AKAP7: variants seen among roughly 807,000 people sequenced by gnomAD.
The protein encoded by AKAP7 is A kinase (PRKA) anchor protein 7.
In AKAP7, 39 loss-of-function variants were observed where a neutral mutation model predicts 39.5. The observed-to-expected ratio is 0.99, with a 90% CI of 0.76 to 1.29. The LOEUF is 1.29. AKAP7 is among the 50% of genes most tolerant of loss of function. AKAP7 has a pLI of 0.00. For synonymous variants in AKAP7, 140 were observed against 139.1 expected (o/e 1.01, Z -0.05); for missense variants, 414 against 407.7 (o/e 1.02, Z -0.13).
intron 7 of AKAP7, among the ~76,000 whole-genome samples, chr6:131,276,877 T>A (rs1814788821): frequency 6.6e-6 from 1 of 152,290 alleles, no homozygotes; most frequent in African/African-American, 2.4e-5. Flanking sequence ...TGTGATGGTT[T>A]CTGGAGCCCT....
intron 5 of AKAP7, among the ~76,000 whole-genome samples, chr6:131,169,828 A>G (rs545255907): frequency 6.6e-6 from 1 of 152,240 alleles, no homozygotes; most frequent in East Asian, 1.9e-4. Context: ...ATTTCATGTC[A>G]TGTCATGTCA....
At chr6:131,150,256 T>C (rs1801807838) in intron 2 of AKAP7, among the ~76,000 whole-genome samples, 1 of 152,224 alleles carries the variant, frequency 6.6e-6, no homozygotes, top group South Asian at 2.1e-4. Flanking sequence ...TACTCTGTAA[T>C]AACTGAAGAT....
chr6:131,229,841 G>A (rs980497641), intron 7 of AKAP7, among the ~76,000 whole-genome samples: 2 of 152,152 alleles, frequency 1.3e-5, no homozygotes, highest in Non-Finnish European at 2.9e-5. Flanking sequence ...CCCTTGCCAA[G>A]CCATACTTAA....
intron 5 of AKAP7, among the ~76,000 whole-genome samples, chr6:131,181,827 T>C (rs141953192): frequency 6.6e-6 from 1 of 152,294 alleles, no homozygotes; most frequent in Non-Finnish European, 1.5e-5. Context: ...CACTGATCTT[T>C]TTTATTTAAA....
rs949653475 is a variant in AKAP7 at position 131,219,653 on chromosome 6, A to G, written c.703-8A>G. 3.8e-6 allele frequency: 6 copies of G among 1,586,988 alleles called. No homozygotes were observed. Among genetic ancestry groups the G allele is most frequent in the Admixed American group, 1.8e-5 (1 of 54,192 alleles). ...GATTGATTGATTGATTTGTTTTTTC[A>G]TTTCAAGGGAGTGAAAAAAATAGAT... On this transcript the variant is annotated splice_region_variant and splice_polypyrimidine_tract_variant and intron_variant, in intron 6 of 7. Coordinates refer to ENST00000431975, the MANE Select transcript of AKAP7 (RefSeq NM_016377.4).
At chr6:131,221,468 C>T (rs962104014) in intron 7 of AKAP7, among the ~76,000 whole-genome samples, 4 of 152,166 alleles carry the variant, frequency 2.6e-5, no homozygotes, top group African/African-American at 9.7e-5. Flanking sequence ...TAGCTAAGGT[C>T]GTTGATGAAG....
At chr6:131,172,499 AT>A (rs113937183) in intron 5 of AKAP7, among the ~76,000 whole-genome samples, 6 of 150,246 alleles carry the variant, frequency 4.0e-5, no homozygotes, top group Non-Finnish European at 7.4e-5. Flanking sequence ...TGGCCAGCTA[AT>A]TTTTTTTTTA....
chr6:131,177,544 G>A (rs1371755856), intron 5 of AKAP7, among the ~76,000 whole-genome samples: 1 of 152,136 alleles, frequency 6.6e-6, no homozygotes, highest in Admixed American at 6.6e-5. Context: ...CTATTTATGA[G>A]GGATCCACCC....
chr6:131,238,234 C>A (rs1195083389), intron 7 of AKAP7, among the ~76,000 whole-genome samples: 1 of 152,132 alleles, frequency 6.6e-6, no homozygotes, highest in Non-Finnish European at 1.5e-5. Flanking sequence ...GTTTCTTAAT[C>A]CTGAGTTCTA....
At position 131,282,517 on chromosome 6, in the gene AKAP7, C is replaced by CA. The variant is rs1815286668; in HGVS notation, c.*792dup. 6.5e-7 allele frequency: 1 copy of CA among 1,535,500 alleles called. No homozygotes were observed. The highest frequency in any genetic ancestry group is 8.7e-7 in the Non-Finnish European group (1 of 1,146,708). On this transcript the variant is annotated 3_prime_UTR_variant, in exon 8 of 8. Coordinates refer to ENST00000431975, the MANE Select transcript of AKAP7 (RefSeq NM_016377.4). The stretch of plus-strand genomic sequence containing the variant: ...TTTTATTAAAGCCTGAGACTCAGGC[C>CA]AGAATTAGGAGGGAGCTTTTTGAAG...
In AKAP7 at chr6:131,239,556, G is replaced by T. The variant is rs144460605; in HGVS notation, c.850+19748G>T. 4.7e-3 allele frequency among the ~76,000 whole-genome samples: 722 copies of T among 152,286 alleles called. 4 individuals are homozygous for T. The highest frequency in any genetic ancestry group is 0.017 in the African/African-American group (689 of 41,566). The stretch of plus-strand genomic sequence containing the variant: ...CTTTCAGGTACACCAATCAGACGTA[G>T]ATTTGGTCTTTTCACATAGTGCCAT... On this transcript the variant is annotated intron_variant, in intron 7 of 7. Transcript: ENST00000431975.
intron 7 of AKAP7, among the ~76,000 whole-genome samples, chr6:131,225,682 T>C (rs535859128): frequency 1.3e-5 from 2 of 152,280 alleles, no homozygotes; most frequent in South Asian, 4.1e-4. Flanking sequence ...TTTTTGTTTT[T>C]CCATGTAGGC....
intron 7 of AKAP7, among the ~76,000 whole-genome samples, chr6:131,236,079 G>A (rs1006236318): frequency 6.6e-6 from 1 of 152,136 alleles, no homozygotes; most frequent in African/African-American, 2.4e-5. Context: ...ATTAATTTTT[G>A]TATAAGGTGT....
chr6:131,167,334 T>C (rs1197173907), intron 4 of AKAP7, among the ~76,000 whole-genome samples: 1 of 152,150 alleles, frequency 6.6e-6, no homozygotes, highest in African/African-American at 2.4e-5. Flanking sequence ...ACTGGAAAAA[T>C]GGACCGAATT....
chr6:131,208,811 C>G (rs749249340), intron 6 of AKAP7, among the ~76,000 whole-genome samples: 1 of 152,160 alleles, frequency 6.6e-6, no homozygotes, highest in Non-Finnish European at 1.5e-5. Context: ...TACTCAGGAC[C>G]GTGGCTGGGC....
At chr6:131,138,878 A>C (rs74662470) in intron 1 of AKAP7, among the ~76,000 whole-genome samples, 1 of 99,428 alleles carries the variant, frequency 1.0e-5, no homozygotes, top group Non-Finnish European at 2.7e-5. Flanking sequence ...TAACAGACAT[A>C]TTAATAGTTT....
intron 4 of AKAP7, among the ~76,000 whole-genome samples, chr6:131,166,753 G>T (rs954313517): frequency 3.3e-5 from 5 of 152,156 alleles, no homozygotes; most frequent in African/African-American, 1.2e-4. Flanking sequence ...AATTGATGAG[G>T]TTTCTGGGAA....
intron 1 of AKAP7, among the ~76,000 whole-genome samples, chr6:131,138,838 C>T (rs954063166): frequency 6.6e-6 from 1 of 152,194 alleles, no homozygotes; most frequent in African/African-American, 2.4e-5. Flanking sequence ...TTCAAGCATG[C>T]ACTTAAATGT....
intron 6 of AKAP7, among the ~76,000 whole-genome samples, chr6:131,213,607 G>T (rs948883727): frequency 6.6e-6 from 1 of 152,166 alleles, no homozygotes; most frequent in Non-Finnish European, 1.5e-5. Flanking sequence ...TGATGAAAGG[G>T]AGTTGAGTGC....
Sources: gnomAD v4.1 joint callset for allele counts (sites outside exome capture counted in the v4.1 genomes callset) on GRCh38, gnomAD v4.1.1 for gene constraint, MANE v1.5 for transcripts, NCBI Gene and HGNC (gene_info 2026-07-23, HGNC 2026-07-21) for gene names.